Variants in PIGU observed in about 807,000 individuals in gnomAD.
The protein encoded by PIGU is GPI-anchor transamidase component PIGU.
In PIGU, 24 loss-of-function variants were observed where a neutral mutation model predicts 49.9. That is an observed-to-expected ratio of 0.48 (90% CI 0.35 to 0.68). The LOEUF is 0.68. PIGU is among the 30% of genes least tolerant of loss of function. The probability of loss-of-function intolerance (pLI) is 0.01; values close to 1 mark genes in which losing one functional copy is unlikely to be tolerated. For synonymous variants in PIGU, 220 were observed against 205.7 expected, an observed-to-expected ratio of 1.07 and a Z score of -0.59; for missense variants, 490 against 532.6, an observed-to-expected ratio of 0.92 and a Z score of 0.79.
At chr20:34,573,140 C>A (rs1983082774) in intron 11 of PIGU, among the ~76,000 whole-genome samples, 1 of 152,124 alleles carries the variant, frequency 6.6e-6, no homozygotes, top group African/African-American at 2.4e-5. Flanking sequence ...CATGAGCCAC[C>A]ACACTCAGCC....
At chr20:34,630,142 C>T (rs1427686163) in intron 6 of PIGU, among the ~76,000 whole-genome samples, 1 of 152,020 alleles carries the variant, frequency 6.6e-6, no homozygotes, top group African/African-American at 2.4e-5. Flanking sequence ...CCACTGAGAA[C>T]AACAGGTGTT....
At position 34,560,872 on chromosome 20, in the gene PIGU, G is replaced by A. The variant is rs376467401; in HGVS notation, c.1302C>T (p.Leu434=). Residue 434 remains leucine, a synonymous_variant, in exon 12 of 12, where the codon CTC becomes CTT. Coordinates refer to ENST00000217446, the MANE Select transcript of PIGU (RefSeq NM_080476.5). ...AGCCCTGTGCCAGCCAGGCCTACTT[G>A]AGCACGAGCATGGCCTCTGTGCCAT... ...AKDGTEAMLV[L]K 3.1e-6 allele frequency: 5 copies of A among 1,604,246 alleles called. No individual in the cohort carries two copies. The East Asian group carries it at 6.7e-5, about 22-fold the overall frequency.
chr20:34,581,680 A>G lies in PIGU; in HGVS notation c.927-8T>C. 3 of 1,594,156 alleles carry G rather than the reference A, an allele frequency of 1.9e-6. No homozygotes were observed. The highest frequency in any genetic ancestry group is 1.1e-5 in the South Asian group (1 of 90,738). ...AAGAAGATGGGGTGCTCCCTGGGGC[A>G]GGGCAGGGGAAAGAGAGAGAGAGAT... On this transcript the variant is annotated splice_region_variant and splice_polypyrimidine_tract_variant and intron_variant, in intron 9 of 11. Transcript: ENST00000217446.
intron 1 of PIGU, among the ~76,000 whole-genome samples, chr20:34,658,130 TTGCAG>T (rs1986770329): frequency 6.6e-6 from 1 of 152,248 alleles, no homozygotes; most frequent in African/African-American, 2.4e-5. Flanking sequence ...GTGCCTGCGA[TTGCAG>T]GCGCGCGCCG....
At chr20:34,611,249 T>C (rs1371332269) in intron 7 of PIGU, among the ~76,000 whole-genome samples, 2 of 151,952 alleles carry the variant, frequency 1.3e-5, no homozygotes. Flanking sequence ...AAAGAAACTA[T>C]CATCAGAGTG....
At chr20:34,600,744 G>A (rs1292766067) in intron 7 of PIGU, among the ~76,000 whole-genome samples, 3 of 152,048 alleles carry the variant, frequency 2.0e-5, no homozygotes, top group African/African-American at 7.2e-5. Context: ...GCTGTTAAAA[G>A]CAGTTATTGG....
chr20:34,601,864 G>A (rs1318868452), intron 7 of PIGU, among the ~76,000 whole-genome samples: 1 of 152,202 alleles, frequency 6.6e-6, no homozygotes, highest in Non-Finnish European at 1.5e-5. Context: ...AAACATTAGA[G>A]ATTTGTCTCT....
Position 34,609,106 on chromosome 20 carries a change from C to A in PIGU, c.627+6936G>T, listed in dbSNP as rs1259438502. On this transcript the variant is annotated intron_variant, in intron 7 of 11. Transcript: ENST00000217446. ...ACCAGCCCGGGCAACAAAGTGAGAC[C>A]CTGTCTCTAAAAAAAAACCAACCAA... is the stretch of plus-strand genomic sequence containing the variant. Among the ~76,000 whole-genome samples, 3 of 151,868 alleles carry A rather than the reference C, an allele frequency of 2.0e-5. No individual in the cohort carries two copies. In the East Asian group the frequency reaches 5.8e-4, roughly 29 times the overall value.
At chr20:34,671,271 CT>C (rs1555804479) in intron 1 of PIGU, among the ~76,000 whole-genome samples, 1 of 150,932 alleles carries the variant, frequency 6.6e-6, no homozygotes, top group East Asian at 1.9e-4. Flanking sequence ...TTTCTTCTTC[CT>C]TTTTTTTTGA....
At chr20:34,579,494 A>G (rs1324653160) in intron 10 of PIGU, 1 of 152,234 alleles carries the variant, frequency 6.6e-6, no homozygotes, top group Non-Finnish European at 1.5e-5. Flanking sequence ...TATTCAACGT[A>G]GGCTTAAACA....
At chr20:34,565,803 C>T (rs187099419) in intron 11 of PIGU, among the ~76,000 whole-genome samples, 3 of 151,628 alleles carry the variant, frequency 2.0e-5, no homozygotes, top group East Asian at 3.9e-4. Flanking sequence ...TACATGCACG[C>T]TTGCACTGCT....
At chr20:34,570,446 G>A (rs1568619890) in intron 11 of PIGU, among the ~76,000 whole-genome samples, 2 of 147,468 alleles carry the variant, frequency 1.4e-5, no homozygotes, top group African/African-American at 2.5e-5. Context: ...ACACAGTCTC[G>A]CTCTGTCGCC....
chr20:34,657,144 C>T lies in PIGU; in HGVS notation c.195+36G>A, dbSNP rs116780810. 1,643 of 1,513,352 alleles carry T rather than the reference C, an allele frequency of 1.1e-3. 12 individuals are homozygous for T. In the African/African-American group the frequency reaches 0.019, roughly 18 times the overall value. 93.7% of individuals were successfully genotyped at this position (1,513,352 alleles called of 1,614,324 possible). ...CTTTGGTATCTGTGACTGTAAACTA[C>T]TCTTGGTACCCAGAAAAGAAAATAA... On this transcript the variant is annotated intron_variant, in intron 2 of 11. Transcript: ENST00000217446.
intron 6 of PIGU, among the ~76,000 whole-genome samples, chr20:34,632,369 AC>A (rs773351101): frequency 1.3e-4 from 19 of 149,892 alleles, no homozygotes; most frequent in Non-Finnish European, 1.9e-4. Context: ...TATCTCATAT[AC>A]CCTTTTTTTT....
chr20:34,608,933 T>G (rs779946336), intron 7 of PIGU, among the ~76,000 whole-genome samples: 4 of 152,170 alleles, frequency 2.6e-5, no homozygotes, highest in African/African-American at 4.8e-5. Context: ...TATGGATCCC[T>G]GTGAAACTCA....
intron 4 of PIGU, 66 bp from the exon 5 acceptor site, chr20:34,638,051 C>T (rs1268851462): frequency 1.3e-6 from 2 of 1,521,376 alleles, no homozygotes; most frequent in African/African-American, 2.8e-5. Flanking sequence ...TGTTTTTATG[C>T]TGAAGACAAA....
At chr20:34,614,166 G>A (rs1406368450) in intron 7 of PIGU, among the ~76,000 whole-genome samples, 1 of 151,876 alleles carries the variant, frequency 6.6e-6, no homozygotes, top group African/African-American at 2.4e-5. Flanking sequence ...GTGTGGTGGT[G>A]CATGCCTGCA....
chr20:34,616,067 A>G lies in PIGU; in HGVS notation c.602T>C (p.Val201Ala). The change falls in exon 7 of 12, where the codon GTC (valine) becomes GCC (alanine). Residue 201 changes from valine (V) to alanine (A), a missense_variant. Val to Ala is a moderately conservative substitution (Grantham distance 64, BLOSUM62 0). Coordinates refer to ENST00000217446, the MANE Select transcript of PIGU (RefSeq NM_080476.5). ...CTGGAGGAGATAGAGGAGTCCTGGGACAAACAAGGTGAGTGGGTACAGAGA... is the reference window on the plus strand; with the variant it reads ...CTGGAGGAGATAGAGGAGTCCTGGGGCAAACAAGGTGAGTGGGTACAGAGA... ...YQSLYPLTLF[V>A]PGLLYLLQRQ... 1 of 1,612,602 alleles carries G rather than the reference A, an allele frequency of 6.2e-7. No homozygotes were observed. Among genetic ancestry groups the G allele is most frequent in the Non-Finnish European group, 8.5e-7 (1 of 1,179,422 alleles).
rs1189506318 is a variant in PIGU at position 34,588,548 on chromosome 20, A to G, written c.687T>C (p.Tyr229=). 6.2e-7 allele frequency: 1 copy of G among 1,613,970 alleles called. No homozygotes were observed. Among genetic ancestry groups the G allele is most frequent in the Non-Finnish European group, 8.5e-7 (1 of 1,179,830 alleles). Residue 229 remains tyrosine (Y), a synonymous_variant, in exon 8 of 12, where the codon TAT becomes TAC. Coordinates refer to ENST00000217446, the MANE Select transcript of PIGU (RefSeq NM_080476.5). ...SKAFWIFSWE[Y]AMMYVGSLVV... ...CTAGGCTTCCCACATACATCATGGCATACTCCCAAGAAAAGATCCAGAAGG... is the reference window on the plus strand; with the variant it reads ...CTAGGCTTCCCACATACATCATGGCGTACTCCCAAGAAAAGATCCAGAAGG...
Sources: gnomAD v4.1 joint callset for allele counts (sites outside exome capture counted in the v4.1 genomes callset) on GRCh38, gnomAD v4.1.1 for gene constraint, MANE v1.5 for transcripts, NCBI Gene and HGNC (gene_info 2026-07-23, HGNC 2026-07-21) for gene names.